Variants in SPNS2 observed in about 807,000 individuals in gnomAD.
SPNS2 encodes SPNS lysolipid transporter 2, sphingosine-1-phosphate.
In SPNS2, 37 loss-of-function variants were observed where a neutral mutation model predicts 57.6. That is an observed-to-expected ratio of 0.64 (90% CI 0.49 to 0.85). SPNS2 has a LOEUF of 0.85. Ranked by LOEUF, SPNS2 falls within the 40% of genes least tolerant of loss-of-function variation. The probability of loss-of-function intolerance (pLI) is 0.00; values close to 1 mark genes in which losing one functional copy is unlikely to be tolerated. For synonymous variants in SPNS2, 440 were observed against 346.9 expected (o/e 1.27, Z -2.98); for missense variants, 831 against 779.1 (o/e 1.07, Z -0.79).
chr17:4,523,387 G>T (rs1905187492), intron 2 of SPNS2, among the ~76,000 whole-genome samples: 1 of 152,218 alleles, frequency 6.6e-6, no homozygotes, highest in Non-Finnish European at 1.5e-5. Context: ...GCAGTGAGCG[G>T]AAATCGCACC....
In SPNS2 at chr17:4,511,860, G is replaced by A. The variant is rs957715580; in HGVS notation, c.371-1387G>A. 2.6e-5 allele frequency among the ~76,000 whole-genome samples: 4 copies of A among 152,140 alleles called. No homozygotes were observed. Among genetic ancestry groups the A allele is most frequent in the East Asian group, 1.9e-4 (1 of 5,194 alleles). On this transcript the variant is annotated intron_variant, in intron 1 of 12. Transcript: ENST00000329078. This position sits in a 1 kb window ranked among gnomAD's most constrained non-coding sequence, Gnocchi z 4.6. ...CCTGGGTCTCGGAAGGGACAGTGAC[G>A]TTCCAGCCTCCCCACTCCTTCCACA... is the stretch of plus-strand genomic sequence containing the variant.
Position 4,537,933 on chromosome 17 carries a change from G to C in SPNS2, c.*485G>C. On this transcript the variant is annotated 3_prime_UTR_variant, in exon 13 of 13. Transcript: ENST00000329078. ...CCCAGGCCTCAGGGCGGCAGTCCCG[G>C]CTTTGAGGCTCACGCGAGGGCCTGG... 1 of 388,274 alleles carries C rather than the reference G, an allele frequency of 2.6e-6. No homozygotes were observed. Among genetic ancestry groups the C allele is most frequent in the South Asian group, 1.8e-5 (1 of 54,898 alleles). 24.1% of individuals were successfully genotyped at this position (388,274 alleles called of 1,614,324 possible).
chr17:4,532,775 A>G, intron 6 of SPNS2, 91 bp downstream of exon 6: 1 of 1,506,542 alleles, frequency 6.6e-7, no homozygotes, highest in Non-Finnish European at 9.0e-7. Context: ...TAGCACCCTC[A>G]GCCAGACACC....
rs1236768937 is a variant in SPNS2, at chr17:4,532,519, C to T, written c.793-23C>T. Reference sequence around the variant, plus strand: ...GACGAGGCTCACTGGGCCCTGGTGTCCTAACTTCCTGCTCTCTGGCAGGTG... The same window carrying T: ...GACGAGGCTCACTGGGCCCTGGTGTTCTAACTTCCTGCTCTCTGGCAGGTG... On this transcript the variant is annotated intron_variant, in intron 5 of 12. Coordinates refer to ENST00000329078, the MANE Select transcript of SPNS2 (RefSeq NM_001124758.3). 4.3e-6 allele frequency: 7 copies of T among 1,613,962 alleles called. No individual in the cohort carries two copies. In the African/African-American group the frequency reaches 6.7e-5, roughly 15 times the overall value.
In SPNS2 at chr17:4,512,864, C is replaced by T. The variant is rs1904879058; in HGVS notation, c.371-383C>T. Among the ~76,000 whole-genome samples, 1 of 152,190 alleles carries T rather than the reference C, an allele frequency of 6.6e-6. No individual in the cohort carries two copies. The highest frequency in any genetic ancestry group is 2.1e-4 in the South Asian group (1 of 4,834). Reference sequence around the variant, plus strand: ...CAGCTTTCAGGGCCCCCGCTGCTCTCTGAGTCATGGGCTTTGTGTTCCCCC... The same window carrying T: ...CAGCTTTCAGGGCCCCCGCTGCTCTTTGAGTCATGGGCTTTGTGTTCCCCC... On this transcript the variant is annotated intron_variant, in intron 1 of 12. Transcript: ENST00000329078. The surrounding 1 kb of genome is among the most constrained non-coding windows in gnomAD (Gnocchi z 5.2).
chr17:4,506,589 C>T (rs1488691440), intron 1 of SPNS2, among the ~76,000 whole-genome samples: 3 of 152,284 alleles, frequency 2.0e-5, no homozygotes, highest in South Asian at 2.1e-4. Flanking sequence ...CCCGGCAGCC[C>T]GGCCCCGCCC....
intron 1 of SPNS2, among the ~76,000 whole-genome samples, chr17:4,505,508 C>T (rs948980349): frequency 3.3e-5 from 5 of 152,214 alleles, no homozygotes; most frequent in African/African-American, 1.2e-4. Context: ...CAGTCCTCAG[C>T]CCTGACAATG....
Position 4,517,328 on chromosome 17 carries a change from G to A in SPNS2, c.436+4016G>A, listed in dbSNP as rs147751125. Among the ~76,000 whole-genome samples the A allele has an allele frequency of 3.6e-3, 549 of 152,270 alleles. 2 individuals are homozygous for A. The highest frequency in any genetic ancestry group is 6.5e-3 in the Non-Finnish European group (445 of 68,024). ...ATGACCCAGAGCCTGCATGGGACACGGGACAATTTCCACTGAAGACAAACT... is the reference window on the plus strand; with the variant it reads ...ATGACCCAGAGCCTGCATGGGACACAGGACAATTTCCACTGAAGACAAACT... On this transcript the variant is annotated intron_variant, in intron 2 of 12. Coordinates refer to ENST00000329078, the MANE Select transcript of SPNS2 (RefSeq NM_001124758.3).
intron 5 of SPNS2, 84 bp from the exon 6 acceptor site, chr17:4,532,458 G>C: frequency 1.9e-6 from 3 of 1,585,420 alleles, no homozygotes; most frequent in South Asian, 1.1e-5. Context: ...CCCAGAGAAG[G>C]CATGGGCTTG....
intron 11 of SPNS2, chr17:4,536,692 C>T (rs1905831664): frequency 1.6e-6 from 1 of 634,882 alleles, no homozygotes; most frequent in East Asian, 2.7e-5. Context: ...TCCCCTTCCT[C>T]TTACTTTCTG....
chr17:4,532,546 C>T lies in SPNS2; in HGVS notation c.797C>T (p.Ser266Phe), dbSNP rs748632265. Residue 266 changes from serine (S) to phenylalanine (F), a missense_variant, in exon 6 of 13, where the codon TCC (serine) becomes TTC (phenylalanine). Around this residue, in one of 2 missense-constraint regions of SPNS2, gnomAD observed 526 missense variants for 400.9 expected, o/e 1.31. Coordinates refer to ENST00000329078, the MANE Select transcript of SPNS2 (RefSeq NM_001124758.3). ...TAACTTCCTGCTCTCTGGCAGGTGT[C>T]CCCTGTCCTGGGCATGATCACAGGA... ...AGDWHWALRV[S>F]PVLGMITGTL... 1 of 1,614,158 alleles carries T rather than the reference C, an allele frequency of 6.2e-7. No homozygotes were observed. Among genetic ancestry groups the T allele is most frequent in the Non-Finnish European group, 8.5e-7 (1 of 1,180,040 alleles).
At chr17:4,508,472 C>A (rs1372228073) in intron 1 of SPNS2, among the ~76,000 whole-genome samples, 1 of 152,202 alleles carries the variant, frequency 6.6e-6, no homozygotes, top group African/African-American at 2.4e-5. Context: ...GGGGATCTTC[C>A]CAGTCTCTGC....
At chr17:4,520,741 C>T (rs1310872227) in intron 2 of SPNS2, among the ~76,000 whole-genome samples, 1 of 152,098 alleles carries the variant, frequency 6.6e-6, no homozygotes, top group Non-Finnish European at 1.5e-5. Context: ...AGAGCAAGGA[C>T]TCTGGAGTCT....
intron 3 of SPNS2, among the ~76,000 whole-genome samples, chr17:4,527,487 G>A (rs981898374): frequency 1.3e-5 from 2 of 152,202 alleles, no homozygotes; most frequent in African/African-American, 2.4e-5. Flanking sequence ...ATAAAGTCCC[G>A]ATAGGGGAAA....
At position 4,510,020 on chromosome 17, in the gene SPNS2, T is replaced by C. The variant is rs1407617888; in HGVS notation, c.371-3227T>C. 1.3e-5 allele frequency among the ~76,000 whole-genome samples: 2 copies of C among 152,224 alleles called. No individual in the cohort carries two copies. Among genetic ancestry groups the C allele is most frequent in the African/African-American group, 2.4e-5 (1 of 41,456 alleles). On this transcript the variant is annotated intron_variant, in intron 1 of 12. Coordinates refer to ENST00000329078, the MANE Select transcript of SPNS2 (RefSeq NM_001124758.3). This position sits in a 1 kb window ranked among gnomAD's most constrained non-coding sequence, Gnocchi z 4.4. ...CTGTGGTGAAGAAGGGAGGGGTGCG[T>C]GGGCCTGAGCCGTGCTGGAGCCCAA...
chr17:4,532,946 AG>A (rs1180321264), intron 6 of SPNS2, 30 bp from the exon 7 acceptor site: 2 of 1,594,448 alleles, frequency 1.3e-6, no homozygotes, highest in Non-Finnish European at 1.7e-6. Context: ...GAGGTCCCTG[AG>A]CTCAGTGTCA....
rs1199799656 is a variant in SPNS2 at position 4,537,955 on chromosome 17, C to T, written c.*507C>T. The T allele has an allele frequency of 5.3e-6, 2 of 375,586 alleles. No individual in the cohort carries two copies. The highest frequency in any genetic ancestry group is 7.4e-5 in the East Asian group (1 of 13,590). 23.3% of individuals were successfully genotyped at this position (375,586 alleles called of 1,614,324 possible). Reference sequence around the variant, plus strand: ...CCGGCTTTGAGGCTCACGCGAGGGCCTGGTATGCAGGGACCACTGCTCAGC... The same window carrying T: ...CCGGCTTTGAGGCTCACGCGAGGGCTTGGTATGCAGGGACCACTGCTCAGC... On this transcript the variant is annotated 3_prime_UTR_variant, in exon 13 of 13. Coordinates refer to ENST00000329078, the MANE Select transcript of SPNS2 (RefSeq NM_001124758.3).
intron 3 of SPNS2, among the ~76,000 whole-genome samples, chr17:4,530,416 C>T (rs551864575): frequency 1.3e-3 from 205 of 152,258 alleles, no homozygotes; most frequent in African/African-American, 3.8e-3. Context: ...AGCACTGGGC[C>T]GGCCAGGCCC....
chr17:4,526,584 CA>C (rs1237815324), intron 3 of SPNS2, among the ~76,000 whole-genome samples: 3 of 146,472 alleles, frequency 2.0e-5, no homozygotes, highest in Non-Finnish European at 4.5e-5. Context: ...GCCTGGGTGA[CA>C]AGAGCAAAAC....
Sources: allele counts gnomAD v4.1 joint callset (sites outside exome capture counted in the v4.1 genomes callset), GRCh38; gene constraint gnomAD v4.1.1; regional missense constraint gnomAD v4.1.1; non-coding constraint Gnocchi (gnomAD v3.1); transcripts MANE v1.5; gene names NCBI Gene and HGNC (gene_info 2026-07-23, HGNC 2026-07-21).